The following PCDHA12 variants were observed in gnomAD, a reference collection of about 807,000 sequenced individuals.
PCDHA12 encodes protocadherin alpha-12.
A neutral mutation model predicts 60.0 loss-of-function variants in PCDHA12; 44 were observed. The ratio of observed to expected loss-of-function variants is 0.73; its 90% CI spans 0.58 to 0.94. The LOEUF (loss-of-function observed/expected upper bound fraction) is 0.94. PCDHA12 is among the 40% of genes least tolerant of loss of function. PCDHA12 has a pLI of 0.00. For missense variants in PCDHA12, 1,276 were observed against 1,239.7 expected, an observed-to-expected ratio of 1.03 and a Z score of -0.44; for synonymous variants, 569 against 553.0, an observed-to-expected ratio of 1.03 and a Z score of -0.40.
intron 1 of PCDHA12, among the ~76,000 whole-genome samples, chr5:140,923,179 G>T (rs982663028): frequency 3.3e-5 from 5 of 152,130 alleles, no homozygotes; most frequent in Admixed American, 1.3e-4. Flanking sequence ...TTGTTCAGAT[G>T]CATCTACTGC....
intron 3 of PCDHA12, among the ~76,000 whole-genome samples, chr5:140,984,667 T>A (rs1554246463): frequency 6.6e-6 from 1 of 152,160 alleles, no homozygotes; most frequent in Non-Finnish European, 1.5e-5. Flanking sequence ...TACTTTTAGG[T>A]TTTTAGGACT....
intron 1 of PCDHA12, among the ~76,000 whole-genome samples, chr5:140,952,513 A>G (rs533436826): frequency 6.6e-6 from 1 of 152,028 alleles, no homozygotes; most frequent in Non-Finnish European, 1.5e-5. Flanking sequence ...CCTCATCTCC[A>G]TCTGAGACCT....
At chr5:140,931,035 C>A (rs2153606811) in intron 1 of PCDHA12, among the ~76,000 whole-genome samples, 1 of 152,250 alleles carries the variant, frequency 6.6e-6, no homozygotes, top group Non-Finnish European at 1.5e-5. Context: ...GTAGAGCTAG[C>A]AAGAAAAACT....
At chr5:140,947,524 A>G (rs894259499) in intron 1 of PCDHA12, among the ~76,000 whole-genome samples, 1 of 151,796 alleles carries the variant, frequency 6.6e-6, no homozygotes, top group Admixed American at 6.6e-5. Flanking sequence ...TTTAGAATCA[A>G]CTTTTCAATT....
At chr5:141,001,908 G>T (rs2098043431) in intron 3 of PCDHA12, among the ~76,000 whole-genome samples, 1 of 152,198 alleles carries the variant, frequency 6.6e-6, no homozygotes, top group Non-Finnish European at 1.5e-5. Flanking sequence ...GTTTGAAAAA[G>T]ACTGCAGTGG....
chr5:140,997,971 G>A (rs2097791982), intron 3 of PCDHA12, among the ~76,000 whole-genome samples: 3 of 152,086 alleles, frequency 2.0e-5, no homozygotes, highest in Admixed American at 2.0e-4. Context: ...CCTGTGGTTG[G>A]ACTGCACTTG....
chr5:140,943,465 G>C (rs1332571516), intron 1 of PCDHA12, among the ~76,000 whole-genome samples: 3 of 152,022 alleles, frequency 2.0e-5, no homozygotes, highest in African/African-American at 7.2e-5. Context: ...CTAAATGTGG[G>C]AGATACAGTA....
At chr5:140,993,018 C>T (rs2097537347) in intron 3 of PCDHA12, among the ~76,000 whole-genome samples, 1 of 152,174 alleles carries the variant, frequency 6.6e-6, no homozygotes, top group African/African-American at 2.4e-5. Flanking sequence ...AGTCCAGCAT[C>T]CCCTGTGGGC....
At chr5:140,922,661 T>C (rs1255153267) in intron 1 of PCDHA12, among the ~76,000 whole-genome samples, 2 of 152,156 alleles carry the variant, frequency 1.3e-5, no homozygotes, top group African/African-American at 4.8e-5. Context: ...ATGGCTATAC[T>C]GCAAGCAGTA....
chr5:140,969,261 T>G (rs2153777840), intron 1 of PCDHA12: 1 of 1,614,180 alleles, frequency 6.2e-7, no homozygotes, highest in South Asian at 1.1e-5. Flanking sequence ...AGCAGGAATC[T>G]CACAGGCCAA....
intron 1 of PCDHA12, among the ~76,000 whole-genome samples, chr5:140,940,470 AT>A (rs201096499): frequency 2.7e-5 from 4 of 149,646 alleles, no homozygotes; most frequent in South Asian, 2.1e-4. Flanking sequence ...GTTCCCTGCA[AT>A]TTTTTTTTTC....
chr5:141,010,398 G>C lies in PCDHA12; in HGVS notation c.*461G>C. The C allele has an allele frequency of 7.6e-7, 1 of 1,323,994 alleles. No individual in the cohort carries two copies. Among genetic ancestry groups the C allele is most frequent in the South Asian group, 1.5e-5 (1 of 66,476 alleles). 82.0% of individuals were successfully genotyped at this position (1,323,994 alleles called of 1,614,324 possible). A position where few individuals can be genotyped will look rare whatever the true frequency, so the allele number is the denominator to read the frequency against. ...GCCAGATATTGGCTGAGACGAGCCA[G>C]CTTAGACTAATTGGTACAAGGAAGG... On this transcript the variant is annotated 3_prime_UTR_variant, in exon 4 of 4. Transcript: ENST00000398631.
intron 1 of PCDHA12, among the ~76,000 whole-genome samples, chr5:140,878,731 A>T (rs1037542413): frequency 1.3e-5 from 2 of 152,252 alleles, no homozygotes; most frequent in Admixed American, 6.5e-5. Context: ...TTCCAGCCTT[A>T]TATCTACTTT....
chr5:140,993,372 A>T (rs2097552472), intron 3 of PCDHA12, among the ~76,000 whole-genome samples: 1 of 151,976 alleles, frequency 6.6e-6, no homozygotes, highest in South Asian at 2.1e-4. Context: ...ACTACCTCCC[A>T]GCCGGGTCCC....
intron 1 of PCDHA12, among the ~76,000 whole-genome samples, chr5:140,900,805 G>C (rs1554189444): frequency 6.6e-6 from 1 of 152,118 alleles, no homozygotes; most frequent in Non-Finnish European, 1.5e-5. Context: ...CATAGTGCTT[G>C]TACTAATTTA....
At chr5:140,891,232 C>T (rs1562856029) in intron 1 of PCDHA12, among the ~76,000 whole-genome samples, 1 of 151,946 alleles carries the variant, frequency 6.6e-6, no homozygotes, top group Non-Finnish European at 1.5e-5. Context: ...TCATCCTGTT[C>T]TGGATTCAGT....
chr5:140,902,203 CTTT>C lies in PCDHA12; in HGVS notation c.2367+24380_2367+24382del, dbSNP rs148688132. ...TTATGTCTTCTCTCTCTCTCTCTTT[CTTT>C]TTTTTTTTTTTTTTTGAGATGAGGA... On this transcript the variant is annotated intron_variant, in intron 1 of 3. Coordinates refer to ENST00000398631, the MANE Select transcript of PCDHA12 (RefSeq NM_018903.4). Among the ~76,000 whole-genome samples, 328 of 124,424 alleles carry C rather than the reference CTTT, an allele frequency of 2.6e-3. 2 individuals are homozygous for C. Among genetic ancestry groups the C allele is most frequent in the Middle Eastern group, 0.017 (4 of 242 alleles). 81.6% of individuals were successfully genotyped at this position (124,424 alleles called of 152,430 possible).
At chr5:140,896,450 C>G (rs1009231622) in intron 1 of PCDHA12, among the ~76,000 whole-genome samples, 5 of 152,092 alleles carry the variant, frequency 3.3e-5, no homozygotes, top group Admixed American at 1.3e-4. Flanking sequence ...GCAACCTCCA[C>G]CTCCTGGGTT....
chr5:140,941,211 CTTCCTTTCTTT>C (rs782043135), intron 1 of PCDHA12, among the ~76,000 whole-genome samples: 8,933 of 129,680 alleles, frequency 0.069, 349 homozygotes, highest in Non-Finnish European at 0.093. Flanking sequence ...TCCTTTCTTT[CTTCCTTTCTTT>C]CTTTCTTTCT....
Sources: gnomAD v4.1 joint callset for allele counts (sites outside exome capture counted in the v4.1 genomes callset) on GRCh38, gnomAD v4.1.1 for gene constraint, MANE v1.5 for transcripts, NCBI Gene and HGNC (gene_info 2026-07-23, HGNC 2026-07-21) for gene names.